Variants in RBFOX1 observed in about 807,000 individuals in gnomAD.
RBFOX1 encodes the protein RNA binding protein fox-1 homolog 1.
A neutral mutation model predicts 57.7 loss-of-function variants in RBFOX1; 8 were observed. The observed-to-expected ratio is 0.14, with a 90% CI of 0.08 to 0.25. The LOEUF is 0.25. Ranked by LOEUF, RBFOX1 falls within the 10% of genes least tolerant of loss-of-function variation. The probability of loss-of-function intolerance (pLI) is 1.00; values close to 1 mark genes in which losing one functional copy is unlikely to be tolerated. For missense variants in RBFOX1, 611 were observed against 548.5 expected, an observed-to-expected ratio of 1.11 and a Z score of -1.14; for synonymous variants, 326 against 222.4, an observed-to-expected ratio of 1.47 and a Z score of -4.15.
intron 4 of RBFOX1, among the ~76,000 whole-genome samples, chr16:7,463,075 GAT>G (rs1415207365): frequency 6.6e-6 from 1 of 152,194 alleles, no homozygotes; most frequent in East Asian, 1.9e-4. Flanking sequence ...CACAGTTCTA[GAT>G]GCTGGCAAGT....
intron 1 of RBFOX1, among the ~76,000 whole-genome samples, chr16:6,252,157 C>G (rs139402980): frequency 0.013 from 2,035 of 152,110 alleles, 27 homozygotes; most frequent in Middle Eastern, 0.041. Flanking sequence ...TTTATCTGTA[C>G]CTGTCTTTGG....
chr16:6,257,845 T>A (rs562800611), intron 1 of RBFOX1, among the ~76,000 whole-genome samples: 1 of 152,202 alleles, frequency 6.6e-6, no homozygotes, highest in Non-Finnish European at 1.5e-5. Context: ...TTAGGTTGTT[T>A]CCATGTCTTT....
intron 4 of RBFOX1, among the ~76,000 whole-genome samples, chr16:7,452,647 G>A (rs1333225573): frequency 1.3e-5 from 2 of 152,098 alleles, no homozygotes; most frequent in Admixed American, 1.3e-4. Context: ...CTAAAAAAGT[G>A]AACAAAAAGA....
At chr16:7,168,067 T>G (rs949194711) in intron 4 of RBFOX1, among the ~76,000 whole-genome samples, 4 of 152,166 alleles carry the variant, frequency 2.6e-5, no homozygotes, top group Admixed American at 2.6e-4. Flanking sequence ...CATGAAATGT[T>G]CCAGAATAGT....
At chr16:7,602,856 A>G (rs889305560) in intron 9 of RBFOX1, among the ~76,000 whole-genome samples, 1 of 152,218 alleles carries the variant, frequency 6.6e-6, no homozygotes, top group South Asian at 2.1e-4. Context: ...GTCTCAACAA[A>G]TTTTTAAAAA....
At chr16:6,007,934 C>T (rs1165488843) in intron 4 of RBFOX1, among the ~76,000 whole-genome samples, 1 of 152,196 alleles carries the variant, frequency 6.6e-6, no homozygotes, top group Admixed American at 6.5e-5. Context: ...TGATATGGGC[C>T]AGGTGCAGTG....
chr16:6,734,246 A>G (rs947952142), intron 3 of RBFOX1, among the ~76,000 whole-genome samples: 1 of 152,148 alleles, frequency 6.6e-6, no homozygotes, highest in East Asian at 1.9e-4. Context: ...CCCATTGAAT[A>G]TCTATGAATG....
Position 7,004,598 on chromosome 16 carries a change from A to G in RBFOX1, c.-15-47459A>G, listed in dbSNP as rs186674767. On this transcript the variant is annotated intron_variant, in intron 3 of 15. Coordinates refer to ENST00000550418, the MANE Select transcript of RBFOX1 (RefSeq NM_018723.4). ...TATTAGTACAATGAATTTCTATTTAATGGCTTTAATTTAGAACAGTTTTCT... is the reference window on the plus strand; with the variant it reads ...TATTAGTACAATGAATTTCTATTTAGTGGCTTTAATTTAGAACAGTTTTCT... Among the ~76,000 whole-genome samples the G allele has an allele frequency of 1.8e-3, 273 of 152,314 alleles. 1 individual carries two copies. Among genetic ancestry groups the G allele is most frequent in the Middle Eastern group, 0.01 (3 of 294 alleles).
chr16:7,225,905 A>AATAAGTAAAT (rs66510060), intron 4 of RBFOX1, among the ~76,000 whole-genome samples: 1 of 93,752 alleles, frequency 1.1e-5, no homozygotes, highest in Non-Finnish European at 2.2e-5. Flanking sequence ...AAGTATAATA[A>AATAAGTAAAT]ATATATATAT....
rs1192496608 is a variant in RBFOX1, at chr16:5,856,575, G to GTGCATATATATATATATA, written c.319-10727_319-10726insGCATATATATATATATAT. On this transcript the variant is annotated intron_variant, in intron 3 of 19. Transcript: ENST00000641259. ...TGTGTGTGTGTGTATGTGTGTGTGTGTATATATATATATATATATATATAT... is the reference window on the plus strand; with the variant it reads ...TGTGTGTGTGTGTATGTGTGTGTGTGTGCATATATATATATATATATATATATATATATATATATATAT... 1.1e-3 allele frequency among the ~76,000 whole-genome samples: 36 copies of GTGCATATATATATATATA among 32,926 alleles called. 1 individual carries two copies. The highest frequency in any genetic ancestry group is 1.6e-3 in the Non-Finnish European group (28 of 17,408). The allele number at this position is 32,926 out of a possible 152,430, so 21.6% of individuals were successfully genotyped here.
At chr16:6,146,684 C>G (rs935809) in intron 1 of RBFOX1, among the ~76,000 whole-genome samples, 111,136 of 152,130 alleles carry the variant, frequency 0.73, 41,666 homozygotes, top group African/African-American at 0.88. Context: ...AAACTTTTCA[C>G]TATACTGAAT....
At chr16:5,994,452 A>T (rs760419945) in intron 4 of RBFOX1, among the ~76,000 whole-genome samples, 28 of 152,156 alleles carry the variant, frequency 1.8e-4, no homozygotes, top group Middle Eastern at 3.4e-3. Flanking sequence ...ATGAGCCACC[A>T]CTCCTGGGCA....
rs1568636828 is a variant in RBFOX1 at position 7,712,165 on chromosome 16, C to G, written c.*1420C>G. ...TTCTGTTTGAACTTTCCACGTTGTC[C>G]TGTTTACAAGTTAACTTAAGTTGGG... On this transcript the variant is annotated 3_prime_UTR_variant, in exon 16 of 16. Transcript: ENST00000550418. The G allele has an allele frequency of 6.6e-6, 1 of 152,620 alleles. No individual in the cohort carries two copies. The highest frequency in any genetic ancestry group is 2.4e-5 in the African/African-American group (1 of 41,448). 9.5% of individuals were successfully genotyped at this position (152,620 alleles called of 1,614,324 possible).
intron 3 of RBFOX1, among the ~76,000 whole-genome samples, chr16:6,678,479 G>C (rs2058107594): frequency 6.6e-6 from 1 of 151,554 alleles, no homozygotes; most frequent in Non-Finnish European, 1.5e-5. Flanking sequence ...GTGCGTGTAT[G>C]GGTCCTAAAC....
chr16:6,491,771 G>A (rs181378438), intron 2 of RBFOX1, among the ~76,000 whole-genome samples: 54 of 152,230 alleles, frequency 3.5e-4, no homozygotes, highest in African/African-American at 1.3e-3. Flanking sequence ...TGACTAAAAG[G>A]GCTGCTAATC....
intron 4 of RBFOX1, among the ~76,000 whole-genome samples, chr16:7,450,117 C>T (rs375707130): frequency 2.0e-5 from 3 of 152,072 alleles, no homozygotes; most frequent in East Asian, 3.9e-4. Context: ...GAGACTTGGC[C>T]GAATGCGGTG....
At chr16:6,377,323 T>G (rs1359822269) in intron 2 of RBFOX1, among the ~76,000 whole-genome samples, 3 of 151,544 alleles carry the variant, frequency 2.0e-5, no homozygotes, top group African/African-American at 4.9e-5. Flanking sequence ...AGTCCCTGTA[T>G]TTAGGCCTCA....
At chr16:6,863,676 A>AAG (rs2059396064) in intron 3 of RBFOX1, among the ~76,000 whole-genome samples, 1 of 147,228 alleles carries the variant, frequency 6.8e-6, no homozygotes, top group South Asian at 2.1e-4. Flanking sequence ...TCCTTAAAAA[A>AAG]AAAAAAAGAA....
intron 4 of RBFOX1, among the ~76,000 whole-genome samples, chr16:7,421,385 C>G (rs1336389233): frequency 6.6e-6 from 1 of 152,192 alleles, no homozygotes; most frequent in African/African-American, 2.4e-5. Context: ...TTAATGGACA[C>G]TTTTCCATCT....
Sources: gnomAD v4.1 joint callset for allele counts (sites outside exome capture counted in the v4.1 genomes callset) on GRCh38, gnomAD v4.1.1 for gene constraint, MANE v1.5 for transcripts, NCBI Gene and HGNC (gene_info 2026-07-23, HGNC 2026-07-21) for gene names.